Variants in RPS6KC1 observed in about 807,000 individuals in gnomAD.
RPS6KC1 encodes the protein ribosomal protein S6 kinase C1.
A neutral mutation model predicts 103.8 loss-of-function variants in RPS6KC1; 54 were observed. That is an observed-to-expected ratio of 0.52 (90% CI 0.42 to 0.65). The LOEUF is 0.65. RPS6KC1 is among the 30% of genes least tolerant of loss of function. RPS6KC1 has a pLI of 0.00. For missense variants in RPS6KC1, 1,151 were observed against 1,253.8 expected (o/e 0.92, Z 1.24); for synonymous variants, 439 against 438.7 (o/e 1.00, Z -0.01).
chr1:213,845,944 C>T, the RPS6KC1 span, among the ~76,000 whole-genome samples: 1 of 152,088 alleles, frequency 6.6e-6, no homozygotes. Context: ...TTCTCTTCCA[C>T]CTGATAACCC....
chr1:213,357,784 G>A, the RPS6KC1 span, among the ~76,000 whole-genome samples: 1 of 152,224 alleles, frequency 6.6e-6, no homozygotes, highest in African/African-American at 2.4e-5. Flanking sequence ...ATGCACGGTA[G>A]GGAGAAAGGT....
chr1:213,675,735 A>T, the RPS6KC1 span, among the ~76,000 whole-genome samples: 1 of 151,714 alleles, frequency 6.6e-6, no homozygotes, highest in African/African-American at 2.4e-5. Context: ...AAATTAGCTG[A>T]GTATGGTGGT....
At chr1:213,131,189 A>G (rs1421738421) in intron 6 of RPS6KC1, among the ~76,000 whole-genome samples, 1 of 152,090 alleles carries the variant, frequency 6.6e-6, no homozygotes, top group African/African-American at 2.4e-5. Context: ...ATAAGAGGAG[A>G]TGGAGTCTTG....
chr1:213,531,035 A>G, the RPS6KC1 span, among the ~76,000 whole-genome samples: 1 of 152,134 alleles, frequency 6.6e-6, no homozygotes, highest in Admixed American at 6.5e-5. Context: ...GCTGTTATGG[A>G]GGAGTTAGAA....
At chr1:213,690,317 C>T in the RPS6KC1 span, among the ~76,000 whole-genome samples, 2 of 152,136 alleles carry the variant, frequency 1.3e-5, no homozygotes, top group Non-Finnish European at 2.9e-5. Flanking sequence ...TTCTACCTAG[C>T]GGGCCATTTT....
the RPS6KC1 span, among the ~76,000 whole-genome samples, chr1:213,405,359 C>T: frequency 6.6e-6 from 1 of 152,222 alleles, no homozygotes; most frequent in Admixed American, 6.5e-5. Context: ...GGAGCCGCTG[C>T]CATTGGAGAG....
At chr1:213,221,439 T>C (rs906895414) in intron 8 of RPS6KC1, among the ~76,000 whole-genome samples, 1 of 152,198 alleles carries the variant, frequency 6.6e-6, no homozygotes, top group Non-Finnish European at 1.5e-5. Context: ...GGGGCTTTGA[T>C]GCATATGTTC....
chr1:213,254,439 G>A (rs537466559), intron 12 of RPS6KC1, among the ~76,000 whole-genome samples: 4 of 152,264 alleles, frequency 2.6e-5, no homozygotes, highest in African/African-American at 9.6e-5. Flanking sequence ...GTATAGAAAG[G>A]AGAAAAGGAA....
the RPS6KC1 span, among the ~76,000 whole-genome samples, chr1:213,312,871 G>C: frequency 1.3e-5 from 2 of 152,206 alleles, no homozygotes; most frequent in Admixed American, 6.5e-5. Context: ...TCAAGTCGCT[G>C]TTTTTAGCTA....
At chr1:213,593,588 G>T in the RPS6KC1 span, among the ~76,000 whole-genome samples, 1 of 152,206 alleles carries the variant, frequency 6.6e-6, no homozygotes, top group Non-Finnish European at 1.5e-5. Context: ...GAACTGTCAG[G>T]AAGGGCTTTA....
intron 4 of RPS6KC1, among the ~76,000 whole-genome samples, chr1:213,109,307 T>G (rs1308558060): frequency 6.6e-6 from 1 of 152,046 alleles, no homozygotes; most frequent in Non-Finnish European, 1.5e-5. Flanking sequence ...TGGCTAATTT[T>G]TTTGTATTTT....
chr1:213,734,420 T>A, the RPS6KC1 span, among the ~76,000 whole-genome samples: 1 of 148,094 alleles, frequency 6.8e-6, no homozygotes, highest in South Asian at 2.2e-4. Context: ...TAGCTTTTAC[T>A]AATATGTTAC....
At chr1:213,762,663 CCTTT>C in the RPS6KC1 span, among the ~76,000 whole-genome samples, 1 of 152,004 alleles carries the variant, frequency 6.6e-6, no homozygotes, top group Non-Finnish European at 1.5e-5. Context: ...TTTATAATGC[CCTTT>C]CTAAGAATAG....
intron 8 of RPS6KC1, among the ~76,000 whole-genome samples, chr1:213,201,081 G>A (rs577431481): frequency 1.3e-5 from 2 of 152,216 alleles, no homozygotes; most frequent in African/African-American, 4.8e-5. Flanking sequence ...ACACAAGTTT[G>A]CCTATGTAAC....
the RPS6KC1 span, among the ~76,000 whole-genome samples, chr1:213,425,823 C>CCTGCTG: frequency 6.6e-6 from 1 of 151,834 alleles, no homozygotes; most frequent in Non-Finnish European, 1.5e-5. Context: ...GATTGCTGTC[C>CCTGCTG]CTGCTGCTGC....
the RPS6KC1 span, among the ~76,000 whole-genome samples, chr1:213,372,105 CG>C: frequency 6.6e-6 from 1 of 152,164 alleles, no homozygotes; most frequent in Non-Finnish European, 1.5e-5. Flanking sequence ...AGACAGGCAG[CG>C]GAAGTGGAAG....
At chr1:213,754,156 A>T in the RPS6KC1 span, among the ~76,000 whole-genome samples, 1 of 152,170 alleles carries the variant, frequency 6.6e-6, no homozygotes, top group Non-Finnish European at 1.5e-5. Context: ...TAAACAATAC[A>T]TTTGCTCATA....
At chr1:213,323,813 T>C in the RPS6KC1 span, among the ~76,000 whole-genome samples, 4 of 152,318 alleles carry the variant, frequency 2.6e-5, no homozygotes, top group African/African-American at 7.2e-5. Context: ...CTATTATCAA[T>C]ATCCCCCACC....
chr1:213,786,069 A>G, the RPS6KC1 span, among the ~76,000 whole-genome samples: 1 of 152,188 alleles, frequency 6.6e-6, no homozygotes, highest in Non-Finnish European at 1.5e-5. Context: ...AATTTAAAAA[A>G]GAAGGAAGGA....
Sources: gnomAD v4.1 joint callset for allele counts (sites outside exome capture counted in the v4.1 genomes callset) on GRCh38, gnomAD v4.1.1 for gene constraint, MANE v1.5 for transcripts, NCBI Gene and HGNC (gene_info 2026-07-23, HGNC 2026-07-21) for gene names.